JAM2: variants seen among roughly 807,000 people sequenced by gnomAD.
JAM2 encodes junctional adhesion molecule 2, also known as junctional adhesion molecule B.
A neutral mutation model predicts 42.0 loss-of-function variants in JAM2; 17 were observed. The observed-to-expected ratio is 0.40, with a 90% CI of 0.28 to 0.61. The LOEUF is 0.61. Ranked by LOEUF, JAM2 falls within the 20% of genes least tolerant of loss-of-function variation. The pLI, the probability that JAM2 is intolerant of heterozygous loss-of-function variation, is 0.37. For missense variants in JAM2, 319 were observed against 358.3 expected (o/e 0.89, Z 0.89); for synonymous variants, 118 against 128.6 (o/e 0.92, Z 0.56).
intron 6 of JAM2, among the ~76,000 whole-genome samples, chr21:25,704,249 T>C (rs1363806211): frequency 6.6e-6 from 1 of 152,126 alleles, no homozygotes; most frequent in Non-Finnish European, 1.5e-5. Context: ...TCCAAGTAAA[T>C]AAAAAGCTGA....
At chr21:25,682,536 T>G (rs982518785) in intron 1 of JAM2, among the ~76,000 whole-genome samples, 2 of 152,236 alleles carry the variant, frequency 1.3e-5, no homozygotes, top group Admixed American at 1.3e-4. Flanking sequence ...AGGGGCAGCA[T>G]GCAGACAGAC....
At chr21:25,708,624 T>C (rs1209868260) in intron 7 of JAM2, among the ~76,000 whole-genome samples, 2 of 152,212 alleles carry the variant, frequency 1.3e-5, no homozygotes, top group African/African-American at 4.8e-5. Context: ...TGCTTCAATT[T>C]AGCCCACTTT....
At chr21:25,688,146 A>G (rs1485211359) in intron 2 of JAM2, among the ~76,000 whole-genome samples, 1 of 152,138 alleles carries the variant, frequency 6.6e-6, no homozygotes, top group African/African-American at 2.4e-5. Context: ...AAGTCACTGG[A>G]CTTAGGAAAA....
intron 1 of JAM2, among the ~76,000 whole-genome samples, chr21:25,670,282 G>A (rs1601014568): frequency 1.3e-5 from 2 of 152,020 alleles, no homozygotes; most frequent in East Asian, 3.9e-4. Flanking sequence ...CCAGAGTTTC[G>A]AGACCAGCCT....
intron 1 of JAM2, among the ~76,000 whole-genome samples, chr21:25,657,752 T>C (rs1020169387): frequency 2.0e-5 from 3 of 152,236 alleles, no homozygotes; most frequent in Admixed American, 6.5e-5. Flanking sequence ...TTGTTTATAA[T>C]TGAACATTTT....
chr21:25,682,088 G>A (rs978976465), intron 1 of JAM2, among the ~76,000 whole-genome samples: 1 of 152,326 alleles, frequency 6.6e-6, no homozygotes, highest in East Asian at 1.9e-4. Context: ...ATAAGGAATG[G>A]GCTCATTTAT....
intron 4 of JAM2, among the ~76,000 whole-genome samples, chr21:25,694,835 C>CAA (rs778496287): frequency 0.023 from 3,039 of 129,936 alleles, 89 homozygotes; most frequent in African/African-American, 0.073. Flanking sequence ...AGGACTTTCT[C>CAA]AAAAAAAAAA....
intron 1 of JAM2, among the ~76,000 whole-genome samples, chr21:25,666,303 A>G (rs2033218343): frequency 1.3e-5 from 2 of 148,940 alleles, no homozygotes; most frequent in Non-Finnish European, 3.0e-5. Flanking sequence ...TAAAAATTAC[A>G]TTGTTACGGC....
chr21:25,697,292 T>C (rs2123396155), intron 4 of JAM2, among the ~76,000 whole-genome samples: 1 of 152,258 alleles, frequency 6.6e-6, no homozygotes, highest in South Asian at 2.1e-4. Context: ...TAGTTACATT[T>C]CCAAAATCTT....
intron 1 of JAM2, among the ~76,000 whole-genome samples, chr21:25,680,809 G>C (rs2033613558): frequency 7.1e-6 from 1 of 140,468 alleles, no homozygotes; most frequent in African/African-American, 2.7e-5. Flanking sequence ...TCGATGGATG[G>C]ATGGATGGAT....
At position 25,675,164 on chromosome 21, in the gene JAM2, T is replaced by C. The variant is rs142944304; in HGVS notation, c.68-8719T>C. ...CACATGGTGTGACAGGCATCTCACATGGTGTGAGCTAGAGCAAGAGAGAAA... is the reference window on the plus strand; with the variant it reads ...CACATGGTGTGACAGGCATCTCACACGGTGTGAGCTAGAGCAAGAGAGAAA... On this transcript the variant is annotated intron_variant, in intron 1 of 9. Transcript: ENST00000480456. 3.8e-3 allele frequency among the ~76,000 whole-genome samples: 574 copies of C among 152,090 alleles called. 4 individuals are homozygous for C. The highest frequency in any genetic ancestry group is 0.013 in the African/African-American group (546 of 41,502).
chr21:25,666,394 T>C (rs1195644621), intron 1 of JAM2, among the ~76,000 whole-genome samples: 1 of 151,572 alleles, frequency 6.6e-6, no homozygotes, highest in African/African-American at 2.4e-5. Context: ...GCGCGATCTC[T>C]GCTCACTGCA....
At chr21:25,711,393 T>C (rs961149771) in intron 8 of JAM2, 1 of 455,914 alleles carries the variant, frequency 2.2e-6, no homozygotes, top group African/African-American at 2.0e-5. Flanking sequence ...TTTGGCTCTA[T>C]GGGCGTAGAG....
chr21:25,666,315 T>TTTTTTATTATTATTA (rs1555862732), intron 1 of JAM2, among the ~76,000 whole-genome samples: 1 of 146,562 alleles, frequency 6.8e-6, no homozygotes, highest in Non-Finnish European at 1.5e-5. Flanking sequence ...TGTTACGGCT[T>TTTTTTATTATTATTA]TTATTATTAT....
intron 7 of JAM2, among the ~76,000 whole-genome samples, chr21:25,708,736 C>T (rs928991506): frequency 6.6e-6 from 1 of 152,028 alleles, no homozygotes; most frequent in African/African-American, 2.4e-5. Context: ...TCATCTTTAT[C>T]TATAGCCTAA....
In JAM2 at chr21:25,716,799, A is replaced by G. The variant is rs2034488526; in HGVS notation, c.*2127A>G. ...AAACACCTGTCTACAAGCTTTTGTA[A>G]GAAATCAGGCTAAATGTTACCTATG... On this transcript the variant is annotated 3_prime_UTR_variant, in exon 10 of 10. Transcript: ENST00000480456. 1 of 152,248 alleles carries G rather than the reference A, an allele frequency of 6.6e-6. No homozygotes were observed. Among genetic ancestry groups the G allele is most frequent in the Admixed American group, 6.5e-5 (1 of 15,288 alleles). The allele number at this position is 152,248 out of a possible 1,614,324, so 9.4% of individuals were successfully genotyped here.
intron 7 of JAM2, among the ~76,000 whole-genome samples, chr21:25,707,121 G>T (rs1380687815): frequency 6.6e-6 from 1 of 152,176 alleles, no homozygotes. Context: ...AAATAAATAA[G>T]TGAAATATTT....
At chr21:25,648,873 T>C (rs115957062) in intron 1 of JAM2, among the ~76,000 whole-genome samples, 12 of 152,372 alleles carry the variant, frequency 7.9e-5, no homozygotes, top group African/African-American at 2.9e-4. Context: ...AGCTGGAATT[T>C]AATGTTTATT....
chr21:25,663,667 C>T (rs148955085), intron 1 of JAM2, among the ~76,000 whole-genome samples: 16 of 152,202 alleles, frequency 1.1e-4, no homozygotes, highest in African/African-American at 3.6e-4. Flanking sequence ...AGCCCGCTCA[C>T]CCTGTGATGC....
Sources: gnomAD v4.1 joint callset for allele counts (sites outside exome capture counted in the v4.1 genomes callset) on GRCh38, gnomAD v4.1.1 for gene constraint, MANE v1.5 for transcripts, NCBI Gene and HGNC (gene_info 2026-07-23, HGNC 2026-07-21) for gene names.